Variants in DENND2B observed in about 807,000 individuals in gnomAD.
DENND2B encodes the protein DENN domain-containing protein 2B.
In DENND2B, 32 loss-of-function variants were observed where a neutral mutation model predicts 116.0. The ratio of observed to expected loss-of-function variants is 0.28; its 90% confidence interval spans 0.21 to 0.37. The LOEUF (loss-of-function observed/expected upper bound fraction) is 0.37. Among genes scored for constraint, DENND2B ranks in the 10% least tolerant of loss-of-function variants. The pLI is 1.00. For missense variants in DENND2B, 1,276 were observed against 1,477.7 expected (o/e 0.86, Z 2.24); for synonymous variants, 588 against 583.9 (o/e 1.01, Z -0.10).
chr11:8,869,692 T>C (rs1031219469), intron 2 of DENND2B, among the ~76,000 whole-genome samples: 1 of 151,548 alleles, frequency 6.6e-6, no homozygotes, highest in African/African-American at 2.4e-5. Context: ...AAATAAAAAA[T>C]ATATGCCAGA....
intron 14 of DENND2B, among the ~76,000 whole-genome samples, chr11:8,700,235 G>A (rs2041298231): frequency 6.6e-6 from 1 of 152,184 alleles, no homozygotes; most frequent in Non-Finnish European, 1.5e-5. Context: ...GACCATGGCT[G>A]GTACACAGGA....
In DENND2B at chr11:8,707,324, G is replaced by T; in HGVS notation, c.2431-99C>A. Reference sequence around the variant, plus strand: ...GGCAGCCAAGCATCTGACCAGGCTAGCCCAGAAGCTGGGAGACGGGAAGGT... The same window carrying T: ...GGCAGCCAAGCATCTGACCAGGCTATCCCAGAAGCTGGGAGACGGGAAGGT... On this transcript the variant is annotated intron_variant, in intron 12 of 19. Coordinates refer to ENST00000313726, the MANE Select transcript of DENND2B (RefSeq NM_213618.2). The surrounding 1 kb of genome is among the most constrained non-coding windows in gnomAD (Gnocchi z 4.8). 6.8e-7 allele frequency: 1 copy of T among 1,472,266 alleles called. No individual in the cohort carries two copies. Among genetic ancestry groups the T allele is most frequent in the Non-Finnish European group, 9.1e-7 (1 of 1,101,570 alleles). 91.2% of individuals were successfully genotyped at this position (1,472,266 alleles called of 1,614,324 possible).
intron 1 of DENND2B, among the ~76,000 whole-genome samples, chr11:8,753,177 C>T (rs1011190462): frequency 5.9e-5 from 9 of 152,082 alleles, no homozygotes; most frequent in African/African-American, 2.2e-4. Context: ...GCAGAGGTTG[C>T]AGCAAGCCAA....
chr11:8,892,835 C>T (rs937424874), intron 1 of DENND2B, among the ~76,000 whole-genome samples: 1 of 152,190 alleles, frequency 6.6e-6, no homozygotes, highest in Non-Finnish European at 1.5e-5. Context: ...GGAGCTGGTA[C>T]CATTCCTTCT....
intron 1 of DENND2B, among the ~76,000 whole-genome samples, chr11:8,801,676 CAAA>C (rs72118090): frequency 1.5e-4 from 18 of 123,876 alleles, no homozygotes; most frequent in South Asian, 2.8e-4. Context: ...GACTTTGTCT[CAAA>C]AAAAAAAAAA....
Position 8,730,149 on chromosome 11 carries a change from C to A in DENND2B, c.1141G>T (p.Asp381Tyr). 2 of 1,614,154 alleles carry A rather than the reference C, an allele frequency of 1.2e-6. No homozygotes were observed. Among genetic ancestry groups the A allele is most frequent in the South Asian group, 1.1e-5 (1 of 91,074 alleles). Residue 381 changes from aspartate (D) to tyrosine (Y), a missense_variant, in exon 3 of 20, where the codon GAT becomes TAT. Around this residue, in one of 2 missense-constraint regions of DENND2B, gnomAD observed 856 missense variants for 846.6 expected, o/e 1.01. Transcript: ENST00000313726. The surrounding 1 kb of genome is among the most constrained non-coding windows in gnomAD (Gnocchi z 4.1). ...SQRLPSKSSL[D>Y]PAVNPVPKPK... Reference sequence around the variant, plus strand: ...TTGGGGACAGGGTTCACAGCGGGATCGAGGGAACTCTTCGATGGCAGCCGC... The same window carrying A: ...TTGGGGACAGGGTTCACAGCGGGATAGAGGGAACTCTTCGATGGCAGCCGC...
In DENND2B at chr11:8,830,339, A is replaced by T. The variant is rs61690977; in HGVS notation, c.-115+8971T>A. Among the ~76,000 whole-genome samples the T allele has an allele frequency of 7.4e-3, 1,121 of 152,290 alleles. 11 individuals are homozygous for T. The highest frequency in any genetic ancestry group is 0.025 in the African/African-American group (1,058 of 41,554). ...CAGAAAAATCCTGCCTCCTCCAAGG[A>T]AAGTTTTCTGTGGTTTTAAGATACA... is the stretch of plus-strand genomic sequence containing the variant. On this transcript the variant is annotated intron_variant, in intron 4 of 6. Coordinates refer to the DENND2B transcript ENST00000524757.
At chr11:8,822,814 G>C (rs1309538896) in intron 4 of DENND2B, among the ~76,000 whole-genome samples, 1 of 152,068 alleles carries the variant, frequency 6.6e-6, no homozygotes, top group African/African-American at 2.4e-5. Flanking sequence ...ATTCATCTTT[G>C]AATTTCCAGC....
At chr11:8,704,984 A>G (rs145578441) in intron 13 of DENND2B, among the ~76,000 whole-genome samples, 14 of 152,258 alleles carry the variant, frequency 9.2e-5, no homozygotes, top group South Asian at 6.2e-4. Context: ...TTACAAGCAC[A>G]TGAGCCACGG....
chr11:8,721,675 G>A (rs766414129), intron 4 of DENND2B, among the ~76,000 whole-genome samples: 2 of 152,174 alleles, frequency 1.3e-5, no homozygotes, highest in African/African-American at 4.8e-5. Flanking sequence ...ACCATTTCTC[G>A]ACAGCCCCGG....
intron 2 of DENND2B, among the ~76,000 whole-genome samples, chr11:8,860,502 C>G (rs1383847741): frequency 1.3e-5 from 2 of 151,952 alleles, no homozygotes. Flanking sequence ...TGAAAGAGCA[C>G]TACAAGGAGA....
At chr11:8,824,171 G>C (rs1352846537) in intron 4 of DENND2B, among the ~76,000 whole-genome samples, 1 of 151,590 alleles carries the variant, frequency 6.6e-6, no homozygotes, top group African/African-American at 2.4e-5. Context: ...CAAAGTGCTG[G>C]GATTACAGGC....
chr11:8,699,163 C>T, intron 15 of DENND2B, 50 bp downstream of exon 15: 2 of 1,526,332 alleles, frequency 1.3e-6, no homozygotes. Context: ...GATCCCAGCA[C>T]CTGCTTCCCC....
intron 2 of DENND2B, among the ~76,000 whole-genome samples, chr11:8,859,402 G>A (rs1178724486): frequency 6.6e-6 from 1 of 152,112 alleles, no homozygotes; most frequent in Non-Finnish European, 1.5e-5. Flanking sequence ...CCGCCTCCCG[G>A]GTTCACGCCA....
At chr11:8,694,743 T>G (rs2040047710) in intron 19 of DENND2B, 1 of 404,582 alleles carries the variant, frequency 2.5e-6, no homozygotes, top group African/African-American at 2.1e-5. Context: ...TTCTCGTCAT[T>G]ATTCCCTAAA....
Position 8,903,244 on chromosome 11 carries a change from C to T in DENND2B, c.-256+7577G>A, listed in dbSNP as rs2134763608. 2.0e-5 allele frequency among the ~76,000 whole-genome samples: 3 copies of T among 151,998 alleles called. No homozygotes were observed. The Middle Eastern group carries it at 0.01, about 517-fold the overall frequency. On this transcript the variant is annotated intron_variant, in intron 1 of 22. Transcript: ENST00000534127. The stretch of plus-strand genomic sequence containing the variant: ...ATAGGCCAACATGGTGAAACCCTGT[C>T]TCTACTAAATATACAAAAATTAGTC...
chr11:8,711,059 G>A, intron 10 of DENND2B, 63 bp downstream of exon 10: 1 of 1,577,480 alleles, frequency 6.3e-7, no homozygotes, highest in Middle Eastern at 1.7e-4. Context: ...CCACTCAGGT[G>A]CCCACGCTAT....
At chr11:8,695,374 G>T in intron 19 of DENND2B, 89 bp downstream of exon 19, 1 of 1,209,758 alleles carries the variant, frequency 8.3e-7, no homozygotes, top group Non-Finnish European at 1.2e-6. Flanking sequence ...AACACCTGTT[G>T]ACATTGATTT....
intron 1 of DENND2B, among the ~76,000 whole-genome samples, chr11:8,802,107 C>T (rs1000816273): frequency 7.3e-5 from 11 of 151,474 alleles, no homozygotes; most frequent in African/African-American, 1.7e-4. Flanking sequence ...TCAAGACCAG[C>T]GTGGCTAATA....
Sources: gnomAD v4.1 joint callset for allele counts (sites outside exome capture counted in the v4.1 genomes callset) on GRCh38, gnomAD v4.1.1 for gene constraint, gnomAD v4.1.1 regional missense constraint, Gnocchi (gnomAD v3.1) non-coding constraint, MANE v1.5 for transcripts, NCBI Gene and HGNC (gene_info 2026-07-23, HGNC 2026-07-21) for gene names.